Variants in PTPRT observed in about 807,000 individuals in gnomAD.
PTPRT encodes the protein protein tyrosine phosphatase receptor type T, also known as receptor-type tyrosine-protein phosphatase T.
Under a neutral mutation model 176.8 loss-of-function variants are expected in PTPRT, and 56 were observed. The ratio of observed to expected loss-of-function variants is 0.32; its 90% CI spans 0.26 to 0.40. PTPRT has a LOEUF of 0.40. Ranked by LOEUF, PTPRT falls within the 10% of genes least tolerant of loss-of-function variation. The probability of loss-of-function intolerance (pLI) is 1.00; values close to 1 mark genes in which losing one functional copy is unlikely to be tolerated. For synonymous variants in PTPRT, 783 were observed against 739.0 expected (o/e 1.06, Z -0.96); for missense variants, 1,540 against 1,908.2 (o/e 0.81, Z 3.60).
At chr20:42,385,374 A>C (rs1049171255) in intron 9 of PTPRT, among the ~76,000 whole-genome samples, 1 of 152,238 alleles carries the variant, frequency 6.6e-6, no homozygotes, top group African/African-American at 2.4e-5. Context: ...CAAATACTGC[A>C]TGATTCCACT....
At chr20:42,674,317 C>T (rs749518507) in intron 7 of PTPRT, among the ~76,000 whole-genome samples, 4 of 152,058 alleles carry the variant, frequency 2.6e-5, no homozygotes, top group Non-Finnish European at 4.4e-5. Context: ...AATTGCATTC[C>T]AACTCATAAT....
chr20:42,652,634 T>C lies in PTPRT; in HGVS notation c.1153+25232A>G, dbSNP rs539553670. On this transcript the variant is annotated intron_variant, in intron 7 of 30. Transcript: ENST00000373187. The stretch of plus-strand genomic sequence containing the variant: ...CTACTCATCACATTCCTTTCTTTGC[T>C]GCTGGGAGGCTACTGAAGACATTGA... Among the ~76,000 whole-genome samples the C allele has an allele frequency of 4.6e-5, 7 of 152,280 alleles. No individual in the cohort carries two copies. In the East Asian group the frequency reaches 1.4e-3, roughly 29 times the overall value.
intron 4 of PTPRT, among the ~76,000 whole-genome samples, chr20:42,773,918 C>A (rs1451778721): frequency 1.3e-5 from 2 of 152,210 alleles, no homozygotes; most frequent in Non-Finnish European, 2.9e-5. Flanking sequence ...GGGATATGCA[C>A]AATTAGCAAT....
chr20:42,925,911 T>C (rs1263048192), intron 1 of PTPRT, among the ~76,000 whole-genome samples: 1 of 152,176 alleles, frequency 6.6e-6, no homozygotes, highest in Non-Finnish European at 1.5e-5. Flanking sequence ...GCACAGTCCC[T>C]TTGCAGATTT....
chr20:42,817,106 C>T (rs978780126), intron 2 of PTPRT, among the ~76,000 whole-genome samples: 3 of 152,168 alleles, frequency 2.0e-5, no homozygotes, highest in Non-Finnish European at 2.9e-5. Flanking sequence ...TTTACTATAA[C>T]AGAAGCTAGA....
chr20:43,163,062 A>G (rs1038092665), intron 1 of PTPRT, among the ~76,000 whole-genome samples: 33 of 152,240 alleles, frequency 2.2e-4, no homozygotes, highest in African/African-American at 7.5e-4. Context: ...GTGAACCAGA[A>G]GAACTGGCTA....
intron 9 of PTPRT, among the ~76,000 whole-genome samples, chr20:42,365,512 C>G (rs916310136): frequency 2.0e-5 from 3 of 151,950 alleles, no homozygotes; most frequent in Non-Finnish European, 4.4e-5. Context: ...CAATTTTCAT[C>G]TCTTGGGGTC....
At chr20:42,652,434 C>T (rs1023512954) in intron 7 of PTPRT, among the ~76,000 whole-genome samples, 1 of 152,098 alleles carries the variant, frequency 6.6e-6, no homozygotes, top group African/African-American at 2.4e-5. Flanking sequence ...GGATGGTGCA[C>T]GAAGCAGGGT....
intron 1 of PTPRT, among the ~76,000 whole-genome samples, chr20:43,045,455 A>ATTTTTTT (rs143406929): frequency 1.6e-5 from 2 of 127,246 alleles, no homozygotes; most frequent in African/African-American, 3.1e-5. Context: ...TCTTTTTTTC[A>ATTTTTTT]TTTTTTTTTT....
chr20:42,853,516 A>T lies in PTPRT; in HGVS notation c.214+32291T>A, dbSNP rs2078511125. 1.3e-5 allele frequency among the ~76,000 whole-genome samples: 2 copies of T among 152,172 alleles called. 1 individual carries two copies. Among genetic ancestry groups the T allele is most frequent in the South Asian group, 4.1e-4 (2 of 4,828 alleles). On this transcript the variant is annotated intron_variant, in intron 2 of 30. Transcript: ENST00000373187. ...AAGTCTGGAAGTCTGATAGCCCAAC[A>T]ACCAGAAGCTCCAATGCCCATGCAT... is the stretch of plus-strand genomic sequence containing the variant.
chr20:42,887,058 T>C (rs891020196), intron 1 of PTPRT, among the ~76,000 whole-genome samples: 2 of 152,198 alleles, frequency 1.3e-5, no homozygotes, highest in African/African-American at 4.8e-5. Context: ...GTCTCTTTAA[T>C]GTTCACAGGG....
chr20:42,774,995 T>A (rs933448571), intron 4 of PTPRT, among the ~76,000 whole-genome samples: 10 of 152,202 alleles, frequency 6.6e-5, no homozygotes, highest in African/African-American at 2.4e-4. Context: ...CAGCATCTGC[T>A]GCTCTGGGAG....
intron 7 of PTPRT, among the ~76,000 whole-genome samples, chr20:42,497,646 A>G (rs6030287): frequency 0.14 from 20,754 of 152,068 alleles, 3,384 homozygotes; most frequent in African/African-American, 0.4. Context: ...CTTTGCTGGC[A>G]TTACATACCC....
intron 1 of PTPRT, among the ~76,000 whole-genome samples, chr20:42,938,996 A>G (rs1980380179): frequency 6.6e-6 from 1 of 152,228 alleles, no homozygotes; most frequent in Admixed American, 6.5e-5. Context: ...GAGGTGAGCA[A>G]TAAAGAAGCC....
intron 25 of PTPRT, 37 bp downstream of exon 25, chr20:42,104,528 AACTG>A: frequency 6.4e-7 from 1 of 1,569,398 alleles, no homozygotes; most frequent in Non-Finnish European, 8.7e-7. Context: ...TAACAACCCA[AACTG>A]ACTAAGATGG....
the PTPRT span, among the ~76,000 whole-genome samples, chr20:42,049,793 G>A: frequency 6.6e-6 from 1 of 152,146 alleles, no homozygotes; most frequent in Non-Finnish European, 1.5e-5. Context: ...GAAACTTCGA[G>A]ATAAAGTGGC....
At chr20:42,729,151 A>C (rs1402820345) in intron 6 of PTPRT, among the ~76,000 whole-genome samples, 1 of 152,210 alleles carries the variant, frequency 6.6e-6, no homozygotes, top group Non-Finnish European at 1.5e-5. Context: ...CACTGAAAGA[A>C]GGCTCTGGAA....
chr20:43,060,584 T>A (rs1232657637), intron 1 of PTPRT, among the ~76,000 whole-genome samples: 1 of 152,246 alleles, frequency 6.6e-6, no homozygotes, highest in Non-Finnish European at 1.5e-5. Flanking sequence ...TCGGCTTTAT[T>A]ATCTGCAATA....
At position 42,312,496 on chromosome 20, in the gene PTPRT, A is replaced by G. The variant is rs139921749; in HGVS notation, c.2139+3227T>C. 6.8e-3 allele frequency among the ~76,000 whole-genome samples: 1,041 copies of G among 152,298 alleles called. 13 individuals carry two copies. Among genetic ancestry groups the G allele is most frequent in the African/African-American group, 0.024 (992 of 41,560 alleles). ...ACTCTTCTCAGTAAAATTTAATACT[A>G]AAGACAGTCATTTGAAACAGTGTGT... On this transcript the variant is annotated intron_variant, in intron 12 of 30. Coordinates refer to ENST00000373187, the MANE Select transcript of PTPRT (RefSeq NM_007050.6).
Sources: allele counts gnomAD v4.1 joint callset (sites outside exome capture counted in the v4.1 genomes callset), GRCh38; gene constraint gnomAD v4.1.1; transcripts MANE v1.5; gene names NCBI Gene and HGNC (gene_info 2026-07-23, HGNC 2026-07-21).